Variants in ZNHIT6 observed in about 807,000 individuals in gnomAD.
ZNHIT6 encodes box C/D snoRNA protein 1.
ZNHIT6 carries 45 observed loss-of-function variants against 57.2 expected under a neutral mutation model. The ratio of observed to expected loss-of-function variants is 0.79; its 90% CI spans 0.62 to 1.01. ZNHIT6 has a LOEUF of 1.01. Among genes scored for constraint, ZNHIT6 ranks in the 50% least tolerant of loss-of-function variants. The pLI, the probability that ZNHIT6 is intolerant of heterozygous loss-of-function variation, is 0.00. For missense variants in ZNHIT6, 528 were observed against 567.3 expected, an observed-to-expected ratio of 0.93 and a Z score of 0.70; for synonymous variants, 188 against 190.0, an observed-to-expected ratio of 0.99 and a Z score of 0.09.
chr1:85,669,060 A>G (rs1478459888), intron 8 of ZNHIT6, among the ~76,000 whole-genome samples: 1 of 152,190 alleles, frequency 6.6e-6, no homozygotes, highest in Non-Finnish European at 1.5e-5. Flanking sequence ...AGTGGTTTGG[A>G]AATCAACATT....
chr1:85,677,839 C>A (rs991124969), intron 7 of ZNHIT6, among the ~76,000 whole-genome samples: 11 of 152,180 alleles, frequency 7.2e-5, no homozygotes, highest in Non-Finnish European at 4.4e-5. Context: ...ATTCACATCC[C>A]AAGCAAGTAC....
intron 8 of ZNHIT6, among the ~76,000 whole-genome samples, chr1:85,666,468 T>G (rs1432658172): frequency 4.7e-5 from 7 of 147,744 alleles, no homozygotes; most frequent in Non-Finnish European, 1.1e-4. Context: ...AGATTATCAC[T>G]ATAGAAATTG....
chr1:85,676,336 CAA>C (rs754000429), intron 8 of ZNHIT6, among the ~76,000 whole-genome samples: 17 of 54,416 alleles, frequency 3.1e-4, no homozygotes, highest in Non-Finnish European at 1.6e-4. Context: ...AACTCCGTCT[CAA>C]AAAAAAAAAA....
chr1:85,703,033 G>A (rs1463367825), intron 4 of ZNHIT6, among the ~76,000 whole-genome samples: 3 of 152,116 alleles, frequency 2.0e-5, no homozygotes, highest in Non-Finnish European at 4.4e-5. Flanking sequence ...GGAAAGGATG[G>A]GTCAGCTATC....
At chr1:85,663,969 G>A (rs1430712940) in intron 8 of ZNHIT6, among the ~76,000 whole-genome samples, 2 of 152,034 alleles carry the variant, frequency 1.3e-5, no homozygotes, top group Non-Finnish European at 2.9e-5. Context: ...CTCTCTAGCT[G>A]CTTTTCATTT....
chr1:85,674,173 A>G (rs1225334699), intron 8 of ZNHIT6, among the ~76,000 whole-genome samples: 1 of 152,192 alleles, frequency 6.6e-6, no homozygotes, highest in Non-Finnish European at 1.5e-5. Context: ...CTTTGCTTTG[A>G]TAGTATTTTC....
At chr1:85,693,966 G>A (rs1409360806) in intron 5 of ZNHIT6, among the ~76,000 whole-genome samples, 1 of 152,020 alleles carries the variant, frequency 6.6e-6, no homozygotes, top group African/African-American at 2.4e-5. Flanking sequence ...TTTTTAAAAA[G>A]TAAAAAACAG....
chr1:85,668,802 T>C (rs752598715), intron 8 of ZNHIT6, among the ~76,000 whole-genome samples: 2 of 152,206 alleles, frequency 1.3e-5, no homozygotes, highest in Admixed American at 6.5e-5. Context: ...CTAATATCAA[T>C]TGACATGTTT....
chr1:85,698,891 A>C (rs892629154), intron 5 of ZNHIT6, among the ~76,000 whole-genome samples: 8 of 152,148 alleles, frequency 5.3e-5, no homozygotes, highest in Non-Finnish European at 1.2e-4. Context: ...CATATTCCTA[A>C]GGATTTCAGT....
chr1:85,669,366 A>G (rs1661487497), intron 8 of ZNHIT6, among the ~76,000 whole-genome samples: 1 of 152,194 alleles, frequency 6.6e-6, no homozygotes, highest in Admixed American at 6.5e-5. Context: ...TAGATTAAAG[A>G]TCCATAAAGT....
chr1:85,689,016 A>T (rs1211344191), intron 5 of ZNHIT6, among the ~76,000 whole-genome samples: 1 of 152,190 alleles, frequency 6.6e-6, no homozygotes. Context: ...TAACTGATAC[A>T]AGGGATTGAT....
rs1661727552 is a variant in ZNHIT6, at chr1:85,677,228, A to G, written c.1247+8T>C. 2 of 1,586,640 alleles carry G rather than the reference A, an allele frequency of 1.3e-6. No homozygotes were observed. Among genetic ancestry groups the G allele is most frequent in the Non-Finnish European group, 1.7e-6 (2 of 1,171,010 alleles). ...TATTTAAAGAAATGGGGAGGGGAGC[A>G]ATTTTACCTTACTAAATTTTGCTGC... On this transcript the variant is annotated splice_region_variant and intron_variant, in intron 8 of 9. Transcript: ENST00000370574.
intron 8 of ZNHIT6, among the ~76,000 whole-genome samples, chr1:85,671,658 G>T: frequency 6.6e-6 from 1 of 152,010 alleles, no homozygotes; most frequent in East Asian, 1.9e-4. Context: ...TGATTTTCTG[G>T]GTGCCAGGCA....
chr1:85,676,193 G>A (rs898027554), intron 8 of ZNHIT6, among the ~76,000 whole-genome samples: 8 of 151,978 alleles, frequency 5.3e-5, no homozygotes, highest in African/African-American at 1.2e-4. Flanking sequence ...AAAATTAGCC[G>A]GGCGTGGTGG....
At chr1:85,658,779 G>C (rs968351835) in intron 8 of ZNHIT6, among the ~76,000 whole-genome samples, 13 of 151,964 alleles carry the variant, frequency 8.6e-5, no homozygotes, top group African/African-American at 3.1e-4. Flanking sequence ...GCTGAGGTGG[G>C]AGAATCGCTT....
chr1:85,679,563 G>GTTTTTTTTTTTTTTTTTTTTTATTTTTT (rs35523771), intron 6 of ZNHIT6, among the ~76,000 whole-genome samples: 1 of 135,274 alleles, frequency 7.4e-6, no homozygotes, highest in Non-Finnish European at 1.5e-5. Context: ...ACATTAAAAT[G>GTTTTTTTTTTTTTTTTTTTTTATTTTTT]TTTTTTTTTT....
At chr1:85,669,741 T>A (rs1393576571) in intron 8 of ZNHIT6, among the ~76,000 whole-genome samples, 1 of 152,210 alleles carries the variant, frequency 6.6e-6, no homozygotes, top group Non-Finnish European at 1.5e-5. Flanking sequence ...GTCTGGAGTG[T>A]CCATGCAAAG....
intron 8 of ZNHIT6, among the ~76,000 whole-genome samples, chr1:85,675,513 G>A (rs1661675580): frequency 6.6e-6 from 1 of 152,100 alleles, no homozygotes; most frequent in Non-Finnish European, 1.5e-5. Context: ...CAGAGCACAG[G>A]CAGAATAGAT....
At chr1:85,702,814 A>G (rs1662574486) in intron 4 of ZNHIT6, among the ~76,000 whole-genome samples, 1 of 152,224 alleles carries the variant, frequency 6.6e-6, no homozygotes, top group Non-Finnish European at 1.5e-5. Context: ...TCTGGCTCTG[A>G]CATGTGTTAT....
Sources: allele counts gnomAD v4.1 joint callset (sites outside exome capture counted in the v4.1 genomes callset), GRCh38; gene constraint gnomAD v4.1.1; transcripts MANE v1.5; gene names NCBI Gene and HGNC (gene_info 2026-07-23, HGNC 2026-07-21).